Variants in ATXN7L1 observed in about 807,000 individuals in gnomAD.
The protein encoded by ATXN7L1 is ataxin 7 like 1, also known as ataxin-7-like protein 1.
In ATXN7L1, 15 loss-of-function variants were observed where a neutral mutation model predicts 70.8. The observed-to-expected ratio is 0.21, with a 90% CI of 0.14 to 0.33. ATXN7L1 has a LOEUF of 0.33. Ranked by LOEUF, ATXN7L1 falls within the 10% of genes least tolerant of loss-of-function variation. The pLI, the probability that ATXN7L1 is intolerant of heterozygous loss-of-function variation, is 1.00. For synonymous variants in ATXN7L1, 440 were observed against 445.1 expected (o/e 0.99, Z 0.14); for missense variants, 975 against 1,097.1 (o/e 0.89, Z 1.57).
At chr7:105,707,248 A>G (rs1413389126) in intron 3 of ATXN7L1, among the ~76,000 whole-genome samples, 1 of 152,212 alleles carries the variant, frequency 6.6e-6, no homozygotes, top group African/African-American at 2.4e-5. Context: ...GACAAGGTCC[A>G]GGGAGTTAGA....
At chr7:105,609,929 G>A (rs1042750213) in intron 11 of ATXN7L1, among the ~76,000 whole-genome samples, 2 of 152,002 alleles carry the variant, frequency 1.3e-5, no homozygotes, top group Non-Finnish European at 2.9e-5. Flanking sequence ...GCACCACCAC[G>A]CCCGGTTACT....
chr7:105,765,362 T>A (rs900949534), intron 3 of ATXN7L1, among the ~76,000 whole-genome samples: 1 of 151,754 alleles, frequency 6.6e-6, no homozygotes, highest in Non-Finnish European at 1.5e-5. Context: ...CTCATTTGTA[T>A]TGTGTGCTGG....
rs138941993 is a variant in ATXN7L1, at chr7:105,866,522, C to T, written c.250+9290G>A. Among the ~76,000 whole-genome samples, 1,287 of 152,280 alleles carry T rather than the reference C, an allele frequency of 8.5e-3. 15 individuals are homozygous for T. Among genetic ancestry groups the T allele is most frequent in the African/African-American group, 0.03 (1,229 of 41,550 alleles). On this transcript the variant is annotated intron_variant, in intron 2 of 11. Transcript: ENST00000419735. ...TAGCCCCTGAATATTAAGGATGCTC[C>T]GCTGTAGCCTCAGCCCACTTGCAAG...
chr7:105,711,917 CA>C (rs1469878493), intron 3 of ATXN7L1, among the ~76,000 whole-genome samples: 19 of 152,274 alleles, frequency 1.2e-4, no homozygotes, highest in Admixed American at 1.2e-3. Context: ...TCCGCCCCTG[CA>C]GCAGACTTCT....
At chr7:105,726,252 C>T (rs767080393) in intron 3 of ATXN7L1, among the ~76,000 whole-genome samples, 17 of 152,204 alleles carry the variant, frequency 1.1e-4, no homozygotes, top group Admixed American at 1.3e-4. Flanking sequence ...TAAGCTTTCA[C>T]ACATCCATCC....
At chr7:105,863,343 C>T (rs1475574785) in intron 2 of ATXN7L1, among the ~76,000 whole-genome samples, 1 of 152,202 alleles carries the variant, frequency 6.6e-6, no homozygotes, top group Non-Finnish European at 1.5e-5. Flanking sequence ...AGACCCAGGG[C>T]CCTATCAGGA....
intron 3 of ATXN7L1, among the ~76,000 whole-genome samples, chr7:105,747,469 T>C (rs572658690): frequency 1.2e-4 from 19 of 152,210 alleles, no homozygotes; most frequent in Non-Finnish European, 1.9e-4. Flanking sequence ...GACCTTGCCT[T>C]ATGTATCTCT....
rs752247008 is a variant in ATXN7L1 at position 105,638,356 on chromosome 7, G to A, written c.1199C>T (p.Pro400Leu). 8 of 1,550,674 alleles carry A rather than the reference G, an allele frequency of 5.2e-6. No homozygotes were observed. The highest frequency in any genetic ancestry group is 7.0e-6 in the Non-Finnish European group (8 of 1,146,280). ...CTATCGTCAAGGTGGTACTTACCTA[G>A]GAAGTACAGAGTTGGGTGGTCTGGA... ...AKSRPPNSVL[P>L]RPSSANSISS... Residue 400 changes from proline (P) to leucine (L), a missense_variant, in exon 7 of 12, where the codon CCT becomes CTT. By Grantham distance (98) the Pro-to-Leu change is moderately conservative (BLOSUM62 -3). Transcript: ENST00000419735.
chr7:105,770,599 A>G (rs1801849720), intron 3 of ATXN7L1, among the ~76,000 whole-genome samples: 1 of 152,158 alleles, frequency 6.6e-6, no homozygotes, highest in African/African-American at 2.4e-5. Context: ...AGCAGAGGAA[A>G]TGGGGGTGGA....
At chr7:105,778,510 C>CAAAAAAAAAAA (rs745820046) in intron 3 of ATXN7L1, among the ~76,000 whole-genome samples, 1 of 34,154 alleles carries the variant, frequency 2.9e-5, no homozygotes, top group African/African-American at 1.2e-4. Context: ...GACCCTATCT[C>CAAAAAAAAAAA]AAAAAAAAAA....
intron 2 of ATXN7L1, among the ~76,000 whole-genome samples, chr7:105,845,509 C>G (rs1396398256): frequency 8.7e-6 from 1 of 115,224 alleles, no homozygotes; most frequent in African/African-American, 3.2e-5. Flanking sequence ...TTTGTAAGTA[C>G]CCAGTCTTTT....
intron 2 of ATXN7L1, among the ~76,000 whole-genome samples, chr7:105,804,686 T>C (rs1034349390): frequency 6.6e-6 from 1 of 152,200 alleles, no homozygotes; most frequent in African/African-American, 2.4e-5. Flanking sequence ...TATTGAGTAT[T>C]TACTCCACGT....
At chr7:105,840,160 A>G (rs1033498740) in intron 2 of ATXN7L1, among the ~76,000 whole-genome samples, 46 of 152,238 alleles carry the variant, frequency 3.0e-4, no homozygotes, top group African/African-American at 9.9e-4. Context: ...CTGTATGCCA[A>G]CTTCACCCAG....
intron 2 of ATXN7L1, among the ~76,000 whole-genome samples, chr7:105,858,954 G>A (rs937096445): frequency 4.6e-5 from 7 of 151,872 alleles, no homozygotes; most frequent in Non-Finnish European, 1.0e-4. Flanking sequence ...GAGGGACACT[G>A]TTCTAGATTA....
rs975852988 is a variant in ATXN7L1 at position 105,819,735 on chromosome 7, C to A, written c.251-31027G>T. The stretch of plus-strand genomic sequence containing the variant: ...CCGGGCCTCTAGCCGCACCTTCCGG[C>A]TGACCTCGAGGCATGTTGCCCCACA... On this transcript the variant is annotated intron_variant, in intron 2 of 11. Coordinates refer to ENST00000419735, the MANE Select transcript of ATXN7L1 (RefSeq NM_020725.2). 5.1e-6 allele frequency: 4 copies of A among 784,486 alleles called. No homozygotes were observed. In the Admixed American group the frequency reaches 7.1e-5, roughly 14 times the overall value. The allele number at this position is 784,486 out of a possible 1,614,324, so 48.6% of individuals were successfully genotyped here. A position where few individuals can be genotyped will look rare whatever the true frequency, so the allele number is the denominator to read the frequency against.
At chr7:105,709,258 C>A (rs1793575862) in intron 3 of ATXN7L1, among the ~76,000 whole-genome samples, 1 of 152,138 alleles carries the variant, frequency 6.6e-6, no homozygotes, top group African/African-American at 2.4e-5. Flanking sequence ...TGCTTGAACC[C>A]AGGAAGCGGA....
chr7:105,866,832 G>A (rs553784967), intron 2 of ATXN7L1, among the ~76,000 whole-genome samples: 1 of 152,280 alleles, frequency 6.6e-6, no homozygotes, highest in Admixed American at 6.5e-5. Context: ...ATCACTCAGT[G>A]ACCACTGTCT....
At chr7:105,608,034 A>C in intron 11 of ATXN7L1, 144 bp from the exon 12 acceptor site, 1 of 736,408 alleles carries the variant, frequency 1.4e-6, no homozygotes, top group Non-Finnish European at 2.3e-6. Context: ...GGCAGCTGGA[A>C]TAGCAAGAGA....
At chr7:105,724,660 G>C (rs981120401) in intron 3 of ATXN7L1, among the ~76,000 whole-genome samples, 1 of 150,924 alleles carries the variant, frequency 6.6e-6, no homozygotes. Context: ...AGGCCGAGGC[G>C]GGCGGATCAC....
Sources: gnomAD v4.1 joint callset for allele counts (sites outside exome capture counted in the v4.1 genomes callset) on GRCh38, gnomAD v4.1.1 for gene constraint, MANE v1.5 for transcripts, NCBI Gene and HGNC (gene_info 2026-07-23, HGNC 2026-07-21) for gene names.